The following OR51B5 variants were observed in gnomAD, a reference collection of about 807,000 sequenced individuals.
OR51B5 encodes the protein olfactory receptor family 51 subfamily B member 5.
For missense variants in OR51B5, 456 were observed against 374.6 expected (o/e 1.22, Z -1.79); for synonymous variants, 186 against 144.8 (o/e 1.28, Z -2.04).
At chr11:5,379,191 C>G (rs1020276387) in intron 1 of OR51B5, among the ~76,000 whole-genome samples, 1 of 151,928 alleles carries the variant, frequency 6.6e-6, no homozygotes, top group Non-Finnish European at 1.5e-5. Context: ...AATCATCATT[C>G]TCAGTAAACT....
chr11:5,431,106 C>T (rs1215271046), intron 1 of OR51B5: 29 of 422,234 alleles, frequency 6.9e-5, no homozygotes, highest in East Asian at 1.4e-4. Context: ...AGGGCAGTTG[C>T]CTCAAAAGGA....
At position 5,374,015 on chromosome 11, in the gene OR51B5, G is replaced by A. The variant is rs946826609; in HGVS notation, n.85-27105C>T. Among the ~76,000 whole-genome samples the A allele has an allele frequency of 3.3e-5, 5 of 152,246 alleles. 1 individual carries two copies. In the South Asian group the frequency reaches 1.0e-3, roughly 32 times the overall value. ...CACACAGCTGGAGATCTGAGAACGG[G>A]CAGACTGCCTCCTCAAGTGGGTCCC... On this transcript the variant is annotated intron_variant and non_coding_transcript_variant, in intron 1 of 4. Coordinates refer to the OR51B5 transcript ENST00000415970.
At chr11:5,353,162 G>T (rs115568951) in intron 1 of OR51B5, among the ~76,000 whole-genome samples, 2 of 152,042 alleles carry the variant, frequency 1.3e-5, no homozygotes, top group Non-Finnish European at 2.9e-5. Flanking sequence ...TTTCTTCAAT[G>T]AGGGTAAACC....
chr11:5,499,071 T>A (rs561774654), intron 1 of OR51B5, among the ~76,000 whole-genome samples: 23 of 152,306 alleles, frequency 1.5e-4, no homozygotes, highest in Non-Finnish European at 2.9e-4. Flanking sequence ...AGGCAGGGAC[T>A]GAACTTCTAG....
chr11:5,399,778 A>G (rs1325295203), intron 1 of OR51B5, among the ~76,000 whole-genome samples: 1 of 136,128 alleles, frequency 7.3e-6, no homozygotes, highest in East Asian at 2.0e-4. Context: ...AAAAAAAAAA[A>G]TGCAAGAAAG....
intron 1 of OR51B5, among the ~76,000 whole-genome samples, chr11:5,494,591 A>T (rs1851622766): frequency 6.6e-6 from 1 of 152,224 alleles, no homozygotes; most frequent in African/African-American, 2.4e-5. Context: ...TATTTAAGGA[A>T]TATAAAAAAG....
At chr11:5,438,516 C>T (rs907784174) in intron 1 of OR51B5, among the ~76,000 whole-genome samples, 1 of 152,148 alleles carries the variant, frequency 6.6e-6, no homozygotes, top group Non-Finnish European at 1.5e-5. Context: ...TCCCTTAATT[C>T]ACATGTACTG....
At chr11:5,492,590 G>C (rs1172690669) in intron 1 of OR51B5, among the ~76,000 whole-genome samples, 1 of 152,112 alleles carries the variant, frequency 6.6e-6, no homozygotes, top group African/African-American at 2.4e-5. Flanking sequence ...TGTTCCAAGG[G>C]AATTGATTGA....
intron 1 of OR51B5, among the ~76,000 whole-genome samples, chr11:5,420,579 C>A (rs1332254577): frequency 6.6e-6 from 1 of 151,868 alleles, no homozygotes; most frequent in Non-Finnish European, 1.5e-5. Context: ...TTTTTTGCTA[C>A]AGAGAAAATT....
chr11:5,435,190 C>T (rs1014724083), intron 1 of OR51B5, among the ~76,000 whole-genome samples: 2 of 152,204 alleles, frequency 1.3e-5, no homozygotes, highest in African/African-American at 4.8e-5. Context: ...GTCACCCATG[C>T]TCAGCATCAG....
intron 1 of OR51B5, among the ~76,000 whole-genome samples, chr11:5,428,500 G>A (rs12294290): frequency 0.054 from 8,217 of 152,222 alleles, 759 homozygotes; most frequent in African/African-American, 0.19. Context: ...TAAAAAATGC[G>A]ACATCTATGA....
rs1213286813 is a variant in OR51B5, at chr11:5,478,766, G to A, written n.84+26803C>T. Among the ~76,000 whole-genome samples the A allele has an allele frequency of 2.6e-4, 40 of 151,282 alleles. 1 individual carries two copies. The South Asian group carries it at 8.2e-3, about 31-fold the overall frequency. On this transcript the variant is annotated intron_variant and non_coding_transcript_variant, in intron 1 of 4. Coordinates refer to the OR51B5 transcript ENST00000415970. ...AACTGGAAGAAAGGGTATGAGCAATGGAAGATGAAATGAATGAAATGAAGC... is the reference window on the plus strand; with the variant it reads ...AACTGGAAGAAAGGGTATGAGCAATAGAAGATGAAATGAATGAAATGAAGC...
chr11:5,437,809 A>C (rs1433988032), intron 1 of OR51B5, among the ~76,000 whole-genome samples: 2 of 152,182 alleles, frequency 1.3e-5, no homozygotes, highest in African/African-American at 2.4e-5. Context: ...CTTCCCATTA[A>C]ATAATCCATT....
At chr11:5,504,068 C>T (rs1846336056) in intron 1 of OR51B5, among the ~76,000 whole-genome samples, 2 of 151,800 alleles carry the variant, frequency 1.3e-5, no homozygotes, top group Non-Finnish European at 2.9e-5. Context: ...CAGAGCCTGA[C>T]ATATAGTAAA....
chr11:5,358,648 C>T (rs1283847441), intron 1 of OR51B5, among the ~76,000 whole-genome samples: 1 of 152,036 alleles, frequency 6.6e-6, no homozygotes, highest in Non-Finnish European at 1.5e-5. Context: ...TTTTATGAGG[C>T]CAGCATCATC....
At chr11:5,445,626 C>T (rs1589999725) in intron 1 of OR51B5, among the ~76,000 whole-genome samples, 1 of 151,396 alleles carries the variant, frequency 6.6e-6, no homozygotes, top group East Asian at 1.9e-4. Flanking sequence ...ACCTAACAGG[C>T]TAAATGTACC....
At chr11:5,367,122 A>G (rs993853084) in intron 1 of OR51B5, among the ~76,000 whole-genome samples, 4 of 152,150 alleles carry the variant, frequency 2.6e-5, no homozygotes, top group African/African-American at 9.7e-5. Context: ...ACACATACAC[A>G]TGCCACCTTG....
chr11:5,396,897 C>A (rs1849881083), intron 1 of OR51B5, among the ~76,000 whole-genome samples: 1 of 152,182 alleles, frequency 6.6e-6, no homozygotes, highest in Non-Finnish European at 1.5e-5. Flanking sequence ...AGAAATAATG[C>A]TGTCTATCTA....
chr11:5,384,267 A>G (rs1321886377), intron 1 of OR51B5, among the ~76,000 whole-genome samples: 1 of 152,108 alleles, frequency 6.6e-6, no homozygotes, highest in Non-Finnish European at 1.5e-5. Context: ...CTCAAACCGG[A>G]TTCAAGCAAT....
Sources: gnomAD v4.1 joint callset for allele counts (sites outside exome capture counted in the v4.1 genomes callset) on GRCh38, gnomAD v4.1.1 for gene constraint, MANE v1.5 for transcripts, NCBI Gene and HGNC (gene_info 2026-07-23, HGNC 2026-07-21) for gene names.